The following KIF16B variants were observed in gnomAD, a reference collection of about 807,000 sequenced individuals.
KIF16B encodes the protein kinesin family member 16B, also known as kinesin-like protein KIF16B.
In KIF16B, 98 loss-of-function variants were observed where a neutral mutation model predicts 156.3. That is an observed-to-expected ratio of 0.63 (90% confidence interval 0.53 to 0.74). The LOEUF (loss-of-function observed/expected upper bound fraction) is 0.74. Among genes scored for constraint, KIF16B ranks in the 30% least tolerant of loss-of-function variants. KIF16B has a pLI of 0.00. For missense variants in KIF16B, 1,421 were observed against 1,606.5 expected (o/e 0.88, Z 1.97); for synonymous variants, 564 against 583.7 (o/e 0.97, Z 0.49).
intron 23 of KIF16B, among the ~76,000 whole-genome samples, chr20:16,338,264 G>T (rs577315979): frequency 6.6e-6 from 1 of 152,248 alleles, no homozygotes; most frequent in South Asian, 2.1e-4. Flanking sequence ...TGGGATGGCG[G>T]TCGATACTCT....
At chr20:16,314,933 C>G (rs2063674648) in intron 24 of KIF16B, among the ~76,000 whole-genome samples, 1 of 152,250 alleles carries the variant, frequency 6.6e-6, no homozygotes, top group Admixed American at 6.5e-5. Flanking sequence ...TCCATCTCCT[C>G]CAGTACAAAC....
chr20:16,280,948 C>T, intron 25 of KIF16B, among the ~76,000 whole-genome samples: 1 of 151,624 alleles, frequency 6.6e-6, no homozygotes, highest in East Asian at 1.9e-4. Flanking sequence ...TGGCTCTCTG[C>T]CTTCTATTTT....
At chr20:16,452,663 G>A (rs1037316797) in intron 12 of KIF16B, among the ~76,000 whole-genome samples, 3 of 151,832 alleles carry the variant, frequency 2.0e-5, no homozygotes, top group East Asian at 1.9e-4. Context: ...GTGGAACCCC[G>A]TCTCTACTAA....
chr20:16,513,790 T>C (rs2069044018), intron 4 of KIF16B, among the ~76,000 whole-genome samples: 1 of 151,674 alleles, frequency 6.6e-6, no homozygotes, highest in South Asian at 2.1e-4. Context: ...TAACGTTCAA[T>C]AATGTTCATG....
Position 16,507,991 on chromosome 20 carries a change from C to A in KIF16B, c.666G>T (p.Arg222Ser). ...AATGMNDVSSRSHAIFTIKFT... is the reference protein window; with the variant it reads ...AATGMNDVSSSSHAIFTIKFT... ...ACTTGATGGTGAAGATGGCATGAGA[C>A]CTGCTACTGACGTCGTTCATCCCAG... The change falls in exon 7 of 26, where the codon AGG (arginine) becomes AGT (serine). Residue 222 changes from arginine (R) to serine (S), a missense_variant. Transcript: ENST00000354981. 2 of 1,614,140 alleles carry A rather than the reference C, an allele frequency of 1.2e-6. No individual in the cohort carries two copies. Among genetic ancestry groups the A allele is most frequent in the Non-Finnish European group, 1.7e-6 (2 of 1,180,018 alleles).
intron 7 of KIF16B, among the ~76,000 whole-genome samples, chr20:16,507,271 C>T (rs367990703): frequency 1.3e-5 from 2 of 152,156 alleles, no homozygotes; most frequent in African/African-American, 2.4e-5. Flanking sequence ...CATTTTTGTG[C>T]TCTTTGATCT....
At chr20:16,450,956 G>A (rs2067063776) in intron 12 of KIF16B, among the ~76,000 whole-genome samples, 1 of 152,204 alleles carries the variant, frequency 6.6e-6, no homozygotes, top group South Asian at 2.1e-4. Context: ...TTAAGTGACA[G>A]GTGATGTGAG....
At chr20:16,382,052 C>T (rs2065108963) in intron 17 of KIF16B, 4 of 1,207,264 alleles carry the variant, frequency 3.3e-6, no homozygotes, top group Non-Finnish European at 4.5e-6. Flanking sequence ...ACGTCTACTC[C>T]ATGCAGCTTA....
intron 12 of KIF16B, among the ~76,000 whole-genome samples, chr20:16,438,853 G>T (rs1047086575): frequency 2.6e-5 from 4 of 152,128 alleles, no homozygotes; most frequent in Non-Finnish European, 5.9e-5. Context: ...CTACATCCCT[G>T]CAAAGTTGAT....
intron 24 of KIF16B, among the ~76,000 whole-genome samples, chr20:16,320,531 T>G (rs1344831307): frequency 6.6e-6 from 1 of 152,022 alleles, no homozygotes; most frequent in Non-Finnish European, 1.5e-5. Context: ...AAAAACAGAT[T>G]AGCACGCAGC....
At chr20:16,346,496 C>T (rs574588606) in intron 23 of KIF16B, among the ~76,000 whole-genome samples, 1 of 152,284 alleles carries the variant, frequency 6.6e-6, no homozygotes, top group East Asian at 1.9e-4. Context: ...AAGCAATGAG[C>T]CTAGTGATTG....
intron 17 of KIF16B, among the ~76,000 whole-genome samples, chr20:16,392,736 T>C (rs913686988): frequency 4.6e-5 from 7 of 152,210 alleles, no homozygotes; most frequent in Admixed American, 1.3e-4. Flanking sequence ...TGCATTTTCT[T>C]TTCTAGGTCT....
intron 1 of KIF16B, among the ~76,000 whole-genome samples, chr20:16,531,170 T>C (rs1192733995): frequency 6.6e-6 from 1 of 152,152 alleles, no homozygotes; most frequent in East Asian, 1.9e-4. Context: ...CTGAAATAGA[T>C]AGAATATATT....
intron 1 of KIF16B, among the ~76,000 whole-genome samples, chr20:16,535,471 C>T (rs539908995): frequency 7.2e-5 from 11 of 152,250 alleles, no homozygotes; most frequent in South Asian, 4.1e-4. Flanking sequence ...CCAATCTGGA[C>T]GCCTTGTATT....
intron 17 of KIF16B, among the ~76,000 whole-genome samples, chr20:16,382,749 C>T (rs1414810621): frequency 6.6e-6 from 1 of 151,916 alleles, no homozygotes; most frequent in Non-Finnish European, 1.5e-5. Context: ...CCAGCTACCT[C>T]CCCCCACCCC....
intron 11 of KIF16B, among the ~76,000 whole-genome samples, chr20:16,495,700 G>GT (rs2068430553): frequency 6.6e-6 from 1 of 152,030 alleles, no homozygotes; most frequent in Non-Finnish European, 1.5e-5. Context: ...CTTTGGTTTT[G>GT]TTTTTTAGAG....
chr20:16,572,467 G>A (rs2071491672), intron 1 of KIF16B, among the ~76,000 whole-genome samples: 1 of 152,124 alleles, frequency 6.6e-6, no homozygotes, highest in South Asian at 2.1e-4. Context: ...CTCATTCTTT[G>A]AAGTCAAACC....
At chr20:16,356,873 A>G (rs1277749186) in intron 22 of KIF16B, among the ~76,000 whole-genome samples, 2 of 152,240 alleles carry the variant, frequency 1.3e-5, no homozygotes, top group Non-Finnish European at 2.9e-5. Context: ...AAAGCTGCAA[A>G]AGCTAGAGAT....
intron 22 of KIF16B, chr20:16,367,726 T>C: frequency 6.2e-7 from 1 of 1,612,418 alleles, no homozygotes; most frequent in South Asian, 1.1e-5. Flanking sequence ...TGTTTTCCAA[T>C]CAAGAGAAAG....
Sources: allele counts gnomAD v4.1 joint callset (sites outside exome capture counted in the v4.1 genomes callset), GRCh38; gene constraint gnomAD v4.1.1; transcripts MANE v1.5; gene names NCBI Gene and HGNC (gene_info 2026-07-23, HGNC 2026-07-21).